DLG2: variants seen among roughly 807,000 people sequenced by gnomAD.
DLG2 encodes disks large homolog 2.
Under a neutral mutation model 132.5 loss-of-function variants are expected in DLG2, and 45 were observed. The observed-to-expected ratio is 0.34, with a 90% CI of 0.27 to 0.44. The LOEUF (loss-of-function observed/expected upper bound fraction) is 0.44, where lower values mean the gene tolerates loss of function less well. Ranked by LOEUF, DLG2 falls within the 20% of genes least tolerant of loss-of-function variation. DLG2 has a pLI of 1.00. For missense variants in DLG2, 1,045 were observed against 1,196.9 expected, an observed-to-expected ratio of 0.87 and a Z score of 1.87; for synonymous variants, 424 against 419.6, an observed-to-expected ratio of 1.01 and a Z score of -0.13.
At position 83,469,126 on chromosome 11, in the gene DLG2, C is replaced by CAAA. The variant is rs11464149; in HGVS notation, c.2619+72_2619+74dup. 1,207 of 978,706 alleles carry CAAA rather than the reference C, an allele frequency of 1.2e-3. 2 individuals are homozygous for CAAA. The highest frequency in any genetic ancestry group is 7.9e-3 in the African/African-American group (427 of 54,054). The allele number at this position is 978,706 out of a possible 1,614,324, so 60.6% of individuals were successfully genotyped here. On this transcript the variant is annotated intron_variant, in intron 25 of 27. Transcript: ENST00000376104. ...ATTGCAATCAAGAAAGAGTAATGACCAAAAAAAAAAAAAAATGCAGTTTGC... is the reference window on the plus strand; with the variant it reads ...ATTGCAATCAAGAAAGAGTAATGACCAAAAAAAAAAAAAAAAAATGCAGTTTGC...
intron 3 of DLG2, among the ~76,000 whole-genome samples, chr11:85,435,937 CA>C (rs1223101213): frequency 1.3e-5 from 2 of 152,120 alleles, no homozygotes; most frequent in African/African-American, 4.8e-5. Context: ...GTAACCAAAA[CA>C]GCATGGTACT....
chr11:83,961,359 T>C (rs1232365183), intron 14 of DLG2, among the ~76,000 whole-genome samples: 1 of 152,094 alleles, frequency 6.6e-6, no homozygotes, highest in Non-Finnish European at 1.5e-5. Flanking sequence ...ATTTCTATGA[T>C]GAACATAGTT....
At chr11:84,392,066 T>C (rs191715504) in intron 7 of DLG2, among the ~76,000 whole-genome samples, 25 of 152,314 alleles carry the variant, frequency 1.6e-4, no homozygotes, top group African/African-American at 6.0e-4. Flanking sequence ...GAATCAATTA[T>C]GACACAATGT....
chr11:84,907,672 A>G (rs1377238925), intron 6 of DLG2, among the ~76,000 whole-genome samples: 2 of 152,198 alleles, frequency 1.3e-5, no homozygotes, highest in Admixed American at 6.5e-5. Flanking sequence ...AAAGTCAAAT[A>G]AGGGTTCTCC....
At chr11:84,934,757 G>C (rs928982863) in intron 6 of DLG2, among the ~76,000 whole-genome samples, 1 of 151,690 alleles carries the variant, frequency 6.6e-6, no homozygotes, top group African/African-American at 2.4e-5. Context: ...TGCAGTACCA[G>C]ACTTTTATAT....
At chr11:84,799,490 C>T (rs1421173611) in intron 6 of DLG2, among the ~76,000 whole-genome samples, 3 of 152,156 alleles carry the variant, frequency 2.0e-5, no homozygotes, top group Admixed American at 2.0e-4. Flanking sequence ...TGTGATTGCT[C>T]ACCTGATTTT....
chr11:85,294,893 TGAAG>T (rs2079124195), intron 3 of DLG2, among the ~76,000 whole-genome samples: 1 of 152,138 alleles, frequency 6.6e-6, no homozygotes, highest in Non-Finnish European at 1.5e-5. Flanking sequence ...AAGATGTGCA[TGAAG>T]GAACACAGTA....
chr11:84,397,466 C>T lies in DLG2; in HGVS notation c.519+137104G>A, dbSNP rs1006737920. ...TATTTTGGCACCATTCATTGCGTTC[C>T]GGCCAATGGAATGCCAGTAGAGATG... On this transcript the variant is annotated intron_variant, in intron 7 of 27. Coordinates refer to ENST00000376104, the MANE Select transcript of DLG2 (RefSeq NM_001142699.3). Among the ~76,000 whole-genome samples, 6 of 152,172 alleles carry T rather than the reference C, an allele frequency of 3.9e-5. 1 individual carries two copies. Among genetic ancestry groups the T allele is most frequent in the Non-Finnish European group, 7.3e-5 (5 of 68,038 alleles).
At chr11:83,777,008 C>T (rs896834267) in intron 18 of DLG2, among the ~76,000 whole-genome samples, 2 of 152,164 alleles carry the variant, frequency 1.3e-5, no homozygotes, top group Non-Finnish European at 2.9e-5. Flanking sequence ...TTTTACTTGG[C>T]TGACTGTAGG....
chr11:85,253,208 T>A (rs2076485813), intron 4 of DLG2, among the ~76,000 whole-genome samples: 1 of 152,180 alleles, frequency 6.6e-6, no homozygotes, highest in Non-Finnish European at 1.5e-5. Flanking sequence ...GATGTGGAAG[T>A]AAAAATTAAA....
chr11:84,998,989 A>T (rs899470526), intron 6 of DLG2, among the ~76,000 whole-genome samples: 16 of 150,642 alleles, frequency 1.1e-4, no homozygotes, highest in African/African-American at 2.2e-4. Flanking sequence ...ATATATATAT[A>T]TTTTATTTCT....
chr11:85,095,954 C>T lies in DLG2; in HGVS notation c.357+15707G>A, dbSNP rs148357700. Among the ~76,000 whole-genome samples the T allele has an allele frequency of 2.9e-3, 436 of 152,334 alleles. 2 individuals are homozygous for T. The highest frequency in any genetic ancestry group is 0.01 in the African/African-American group (428 of 41,572). ...GCTGAGCTTCTGGGTCAGGTGGGGA[C>T]TTGGAGAACCTTCGTGTCTAGCTAA... is the stretch of plus-strand genomic sequence containing the variant. On this transcript the variant is annotated intron_variant, in intron 6 of 27. Transcript: ENST00000376104.
chr11:84,607,918 C>A (rs1298259442), intron 6 of DLG2, among the ~76,000 whole-genome samples: 3 of 152,138 alleles, frequency 2.0e-5, no homozygotes, highest in African/African-American at 7.2e-5. Context: ...TAGTTCTTTA[C>A]TGCAGACATA....
chr11:83,683,406 A>G (rs1212125761), intron 18 of DLG2, among the ~76,000 whole-genome samples: 2 of 152,180 alleles, frequency 1.3e-5, no homozygotes, highest in Admixed American at 6.5e-5. Flanking sequence ...CACGCAATTT[A>G]GTTTCAAAGC....
chr11:84,908,055 A>AT (rs1566350457), intron 6 of DLG2, among the ~76,000 whole-genome samples: 1 of 152,232 alleles, frequency 6.6e-6, no homozygotes, highest in East Asian at 1.9e-4. Flanking sequence ...CCCTTTCAGA[A>AT]TATCAATGTC....
chr11:84,971,370 T>C (rs2054075460), intron 6 of DLG2, among the ~76,000 whole-genome samples: 1 of 152,218 alleles, frequency 6.6e-6, no homozygotes, highest in African/African-American at 2.4e-5. Context: ...GTGTTAAAAA[T>C]CTGCTCTAAA....
intron 22 of DLG2, among the ~76,000 whole-genome samples, chr11:83,483,830 T>C (rs967036544): frequency 1.3e-5 from 2 of 152,146 alleles, no homozygotes; most frequent in Admixed American, 1.3e-4. Flanking sequence ...TCTCAAGACT[T>C]AGAGGGTTGC....
chr11:83,751,553 T>G (rs2153736088), intron 18 of DLG2, among the ~76,000 whole-genome samples: 1 of 152,246 alleles, frequency 6.6e-6, no homozygotes, highest in South Asian at 2.1e-4. Flanking sequence ...TGGACTAGGA[T>G]AGAAAAATGA....
chr11:84,552,203 A>T (rs977183631), intron 6 of DLG2, among the ~76,000 whole-genome samples: 5 of 151,794 alleles, frequency 3.3e-5, no homozygotes, highest in Non-Finnish European at 5.9e-5. Flanking sequence ...TCCATTGTCC[A>T]CTCCCCCATC....
Sources: gnomAD v4.1 joint callset for allele counts (sites outside exome capture counted in the v4.1 genomes callset) on GRCh38, gnomAD v4.1.1 for gene constraint, MANE v1.5 for transcripts, NCBI Gene and HGNC (gene_info 2026-07-23, HGNC 2026-07-21) for gene names.